CYSTM1: variants seen among roughly 807,000 people sequenced by gnomAD.
CYSTM1 encodes the protein cysteine-rich transmembrane module-containing protein 1.
In CYSTM1, 4 loss-of-function variants were observed where a neutral mutation model predicts 13.1. The ratio of observed to expected loss-of-function variants is 0.31; its 90% CI spans 0.15 to 0.70. CYSTM1 has a LOEUF of 0.70. Ranked by LOEUF, CYSTM1 falls within the 30% of genes least tolerant of loss-of-function variation. CYSTM1 has a pLI of 0.72. For synonymous variants in CYSTM1, 36 were observed against 42.7 expected, an observed-to-expected ratio of 0.84 and a Z score of 0.62; for missense variants, 96 against 121.6, an observed-to-expected ratio of 0.79 and a Z score of 0.99.
chr5:140,223,036 C>T (rs1210662878), intron 2 of CYSTM1, among the ~76,000 whole-genome samples: 1 of 152,220 alleles, frequency 6.6e-6, no homozygotes, highest in Non-Finnish European at 1.5e-5. Flanking sequence ...CCCATCTCTG[C>T]CTCAGTGCTG....
chr5:140,210,803 C>T (rs1176372542), intron 2 of CYSTM1, among the ~76,000 whole-genome samples: 2 of 152,160 alleles, frequency 1.3e-5, no homozygotes, highest in Non-Finnish European at 2.9e-5. Context: ...TGAGCCACTG[C>T]ACCTGGCCTT....
intron 2 of CYSTM1, among the ~76,000 whole-genome samples, chr5:140,199,346 G>T (rs1195421795): frequency 6.6e-6 from 1 of 152,130 alleles, no homozygotes; most frequent in Non-Finnish European, 1.5e-5. Flanking sequence ...TGGGTCAAAT[G>T]GTATTTCTGG....
At chr5:140,212,983 G>GTATATATATATATATATATATATATA (rs150669111) in intron 2 of CYSTM1, among the ~76,000 whole-genome samples, 27 of 114,268 alleles carry the variant, frequency 2.4e-4, no homozygotes, top group African/African-American at 7.7e-4. Context: ...CAAAACAAAA[G>GTATATATATATATATATATATATATA]TATATATATA....
intron 1 of CYSTM1, among the ~76,000 whole-genome samples, chr5:140,191,644 A>G (rs968286758): frequency 2.0e-5 from 3 of 152,244 alleles, no homozygotes; most frequent in Admixed American, 2.0e-4. Context: ...CTTCAAAGAA[A>G]TACAGGTCCA....
At chr5:140,209,830 G>A (rs1764342274) in intron 2 of CYSTM1, among the ~76,000 whole-genome samples, 1 of 152,188 alleles carries the variant, frequency 6.6e-6, no homozygotes, top group African/African-American at 2.4e-5. Flanking sequence ...AAAGTACTGG[G>A]ATTACAGGCG....
chr5:140,235,408 CT>C (rs11310816), intron 2 of CYSTM1, among the ~76,000 whole-genome samples: 66,644 of 139,296 alleles, frequency 0.48, 15,211 homozygotes, highest in South Asian at 0.69. Context: ...AAAAACTTTC[CT>C]TTTTTTTTTT....
intron 2 of CYSTM1, among the ~76,000 whole-genome samples, chr5:140,232,819 T>C (rs1013367941): frequency 5.3e-5 from 8 of 152,202 alleles, no homozygotes; most frequent in African/African-American, 1.9e-4. Context: ...TAACAAAACA[T>C]TGAGTTCCAA....
intron 1 of CYSTM1, among the ~76,000 whole-genome samples, chr5:140,183,146 G>C (rs1016856383): frequency 6.6e-6 from 1 of 152,238 alleles, no homozygotes; most frequent in Non-Finnish European, 1.5e-5. Flanking sequence ...CTGTCTTTCA[G>C]GGGCTGGGCT....
chr5:140,204,500 T>C (rs1023207045), intron 2 of CYSTM1, among the ~76,000 whole-genome samples: 5 of 152,092 alleles, frequency 3.3e-5, no homozygotes, highest in Admixed American at 6.6e-5. Context: ...TTCCAGCCTT[T>C]TCCCTTCCTT....
At chr5:140,229,482 T>C (rs891495758) in intron 2 of CYSTM1, among the ~76,000 whole-genome samples, 2 of 152,110 alleles carry the variant, frequency 1.3e-5, no homozygotes, top group African/African-American at 4.8e-5. Flanking sequence ...TGAGCCACCA[T>C]ACTTGGCCTC....
intron 1 of CYSTM1, among the ~76,000 whole-genome samples, chr5:140,181,395 C>A (rs1012780975): frequency 1.3e-5 from 2 of 152,202 alleles, no homozygotes; most frequent in African/African-American, 4.8e-5. Flanking sequence ...TTTCTGCACC[C>A]TTCTGGCTCT....
intron 2 of CYSTM1, among the ~76,000 whole-genome samples, chr5:140,226,470 A>ATAT (rs60103492): frequency 2.3e-5 from 3 of 128,884 alleles, no homozygotes; most frequent in Admixed American, 9.2e-5. Flanking sequence ...CTCTATAAAA[A>ATAT]ATATATATAT....
chr5:140,178,441 CTTT>C (rs577709524), intron 1 of CYSTM1, among the ~76,000 whole-genome samples: 37 of 52,658 alleles, frequency 7.0e-4, no homozygotes, highest in East Asian at 1.2e-3. Context: ...CAAGTCCTTC[CTTT>C]TTTTTTTTTT....
In CYSTM1 at chr5:140,220,236, G is replaced by A. The variant is rs140161625; in HGVS notation, c.188-23069G>A. Among the ~76,000 whole-genome samples, 19 of 152,202 alleles carry A rather than the reference G, an allele frequency of 1.2e-4. 1 individual carries two copies. The highest frequency in any genetic ancestry group is 5.9e-4 in the Admixed American group (9 of 15,302). On this transcript the variant is annotated intron_variant, in intron 2 of 2. Transcript: ENST00000261811. ...TTCATGCATTAATCACCCTAACCAC[G>A]GTTCCATCCTGAGGGCAAGGGACTG...
At chr5:140,195,082 G>A (rs1450886734) in intron 2 of CYSTM1, among the ~76,000 whole-genome samples, 1 of 151,948 alleles carries the variant, frequency 6.6e-6, no homozygotes, top group Non-Finnish European at 1.5e-5. Flanking sequence ...CTTACTAAAT[G>A]TTTTCATAAT....
At chr5:140,212,443 C>T (rs903281310) in intron 2 of CYSTM1, among the ~76,000 whole-genome samples, 2 of 152,120 alleles carry the variant, frequency 1.3e-5, no homozygotes, top group African/African-American at 2.4e-5. Context: ...ATGTACGGTA[C>T]ATAATACTTG....
At chr5:140,188,124 A>G (rs1418886534) in intron 1 of CYSTM1, among the ~76,000 whole-genome samples, 2 of 145,770 alleles carry the variant, frequency 1.4e-5, no homozygotes, top group African/African-American at 2.6e-5. Flanking sequence ...TGCCCAGACT[A>G]GAGTGTAGTG....
At chr5:140,232,713 CAT>C (rs920593661) in intron 2 of CYSTM1, among the ~76,000 whole-genome samples, 42 of 152,262 alleles carry the variant, frequency 2.8e-4, no homozygotes, top group African/African-American at 7.5e-4. Flanking sequence ...GAAAGGCAGA[CAT>C]GTGTGTAAGC....
chr5:140,192,372 G>A (rs947156239), intron 1 of CYSTM1, among the ~76,000 whole-genome samples: 9 of 152,158 alleles, frequency 5.9e-5, no homozygotes, highest in African/African-American at 1.2e-4. Flanking sequence ...ATAAATGTAT[G>A]TTTGTGAATG....
Sources: gnomAD v4.1 joint callset for allele counts (sites outside exome capture counted in the v4.1 genomes callset) on GRCh38, gnomAD v4.1.1 for gene constraint, MANE v1.5 for transcripts, NCBI Gene and HGNC (gene_info 2026-07-23, HGNC 2026-07-21) for gene names.